The following PLEKHA7 variants were observed in gnomAD, a reference collection of about 807,000 sequenced individuals.
The protein encoded by PLEKHA7 is pleckstrin homology domain-containing family A member 7.
A neutral mutation model predicts 170.0 loss-of-function variants in PLEKHA7; 104 were observed. That is an observed-to-expected ratio of 0.61 (90% CI 0.52 to 0.72). The LOEUF (loss-of-function observed/expected upper bound fraction) is 0.72. Ranked by LOEUF, PLEKHA7 falls within the 30% of genes least tolerant of loss-of-function variation. The pLI is 0.00. For missense variants in PLEKHA7, 1,615 were observed against 1,671.7 expected (o/e 0.97, Z 0.59); for synonymous variants, 648 against 660.8 (o/e 0.98, Z 0.30).
intron 10 of PLEKHA7, among the ~76,000 whole-genome samples, chr11:16,820,173 C>T (rs1464402959): frequency 6.6e-6 from 1 of 152,182 alleles, no homozygotes; most frequent in Non-Finnish European, 1.5e-5. Context: ...TCTTAACAAG[C>T]CCTCCAGGAG....
chr11:16,836,689 C>T (rs1434217177), intron 9 of PLEKHA7, among the ~76,000 whole-genome samples: 1 of 152,030 alleles, frequency 6.6e-6, no homozygotes, highest in Admixed American at 6.5e-5. Context: ...ATTCGCTTGG[C>T]TGAAAATTTC....
intron 3 of PLEKHA7, among the ~76,000 whole-genome samples, chr11:16,997,705 T>C (rs1042635987): frequency 1.8e-4 from 28 of 152,246 alleles, no homozygotes; most frequent in African/African-American, 3.4e-4. Flanking sequence ...TACAGGTGCA[T>C]GTGCTGGGGG....
At chr11:16,891,161 C>T (rs554652900) in intron 3 of PLEKHA7, among the ~76,000 whole-genome samples, 4 of 152,224 alleles carry the variant, frequency 2.6e-5, no homozygotes, top group South Asian at 2.1e-4. Flanking sequence ...GCAATCCTCC[C>T]GCCTTGGCCT....
chr11:16,838,693 C>CTTTTTTTT (rs869209891), intron 9 of PLEKHA7, among the ~76,000 whole-genome samples: 7 of 107,858 alleles, frequency 6.5e-5, no homozygotes, highest in Admixed American at 1.2e-4. Context: ...ACACAGTTTT[C>CTTTTTTTT]TTTTTTTTTT....
intron 4 of PLEKHA7, among the ~76,000 whole-genome samples, chr11:16,859,735 T>C (rs989888646): frequency 6.6e-6 from 1 of 152,184 alleles, no homozygotes; most frequent in African/African-American, 2.4e-5. Context: ...CCGAGTCTCA[T>C]CTAAGAACCA....
At chr11:16,837,784 T>C (rs1851630306) in intron 9 of PLEKHA7, among the ~76,000 whole-genome samples, 1 of 152,192 alleles carries the variant, frequency 6.6e-6, no homozygotes, top group African/African-American at 2.4e-5. Flanking sequence ...ATTCCACATT[T>C]TCATTAAGAA....
chr11:16,853,836 G>C (rs1237707440), intron 6 of PLEKHA7, among the ~76,000 whole-genome samples: 1 of 152,146 alleles, frequency 6.6e-6, no homozygotes, highest in African/African-American at 2.4e-5. Flanking sequence ...GCTGCCATGG[G>C]GCCAGAGCTG....
chr11:16,795,851 C>CTTTTTT (rs1179377641), intron 17 of PLEKHA7, among the ~76,000 whole-genome samples: 26 of 93,082 alleles, frequency 2.8e-4, no homozygotes, highest in Non-Finnish European at 4.0e-4. Context: ...CAGTTTTTTC[C>CTTTTTT]TTTTTTTTTT....
intron 3 of PLEKHA7, among the ~76,000 whole-genome samples, chr11:16,986,161 G>A (rs909842412): frequency 5.3e-5 from 8 of 152,202 alleles, no homozygotes; most frequent in Admixed American, 1.3e-4. Flanking sequence ...CACAGGAAGA[G>A]AAGCCCAAGT....
At chr11:16,801,155 C>T in intron 16 of PLEKHA7, 80 bp from the exon 17 acceptor site, 2 of 1,185,162 alleles carry the variant, frequency 1.7e-6, no homozygotes, top group African/African-American at 1.5e-5. Context: ...GTACTCCTGA[C>T]CATGCTGACC....
intron 6 of PLEKHA7, among the ~76,000 whole-genome samples, chr11:16,853,835 G>T (rs909980745): frequency 6.6e-6 from 1 of 152,292 alleles, no homozygotes; most frequent in African/African-American, 2.4e-5. Flanking sequence ...AGCTGCCATG[G>T]GGCCAGAGCT....
chr11:16,830,719 C>T (rs1162917550), intron 9 of PLEKHA7, among the ~76,000 whole-genome samples: 1 of 152,148 alleles, frequency 6.6e-6, no homozygotes, highest in African/African-American at 2.4e-5. Context: ...CCTATACAGC[C>T]CCCACTGGGA....
At chr11:16,982,833 G>GGAGA (rs113873924) in intron 3 of PLEKHA7, among the ~76,000 whole-genome samples, 22 of 148,936 alleles carry the variant, frequency 1.5e-4, no homozygotes, top group Admixed American at 2.7e-4. Flanking sequence ...AGAGAGAGAG[G>GGAGA]GAGAGAGAGA....
chr11:16,941,087 C>T (rs538114861), intron 3 of PLEKHA7, among the ~76,000 whole-genome samples: 112 of 152,272 alleles, frequency 7.4e-4, no homozygotes, highest in African/African-American at 2.6e-3. Flanking sequence ...GTAGTAGAAG[C>T]GATGTCCAAG....
chr11:16,915,220 G>A (rs1226734044), intron 3 of PLEKHA7, among the ~76,000 whole-genome samples: 1 of 152,170 alleles, frequency 6.6e-6, no homozygotes, highest in East Asian at 1.9e-4. Context: ...CAACATCTCT[G>A]AGGCAGGCTG....
chr11:16,903,403 C>T (rs1276029574), intron 3 of PLEKHA7, among the ~76,000 whole-genome samples: 1 of 152,166 alleles, frequency 6.6e-6, no homozygotes, highest in African/African-American at 2.4e-5. Context: ...TGAGGATCCC[C>T]TCATCCAGAG....
At chr11:16,914,943 G>T (rs1858526893) in intron 3 of PLEKHA7, among the ~76,000 whole-genome samples, 1 of 152,162 alleles carries the variant, frequency 6.6e-6, no homozygotes, top group African/African-American at 2.4e-5. Flanking sequence ...GAGAAAACAT[G>T]ATGCAGGCCA....
chr11:16,778,794 T>A lies in PLEKHA7; in HGVS notation c.*204A>T. The A allele has an allele frequency of 3.3e-6, 2 of 602,986 alleles. No individual in the cohort carries two copies. Among genetic ancestry groups the A allele is most frequent in the Non-Finnish European group, 5.9e-6 (2 of 337,082 alleles). 37.4% of individuals were successfully genotyped at this position (602,986 alleles called of 1,614,324 possible). A position where few individuals can be genotyped will look rare whatever the true frequency, so the allele number is the denominator to read the frequency against. Reference sequence around the variant, plus strand: ...ATATCAAAAGTGCCTTTGCCATTCATATGTAGAGAGGAGTCTGAGCTAAAC... The same window carrying A: ...ATATCAAAAGTGCCTTTGCCATTCAAATGTAGAGAGGAGTCTGAGCTAAAC... On this transcript the variant is annotated 3_prime_UTR_variant, in exon 27 of 27. Transcript: ENST00000531066.
chr11:16,935,833 G>T (rs1860251703), intron 3 of PLEKHA7, among the ~76,000 whole-genome samples: 1 of 152,170 alleles, frequency 6.6e-6, no homozygotes, highest in Admixed American at 6.5e-5. Flanking sequence ...TTTATCACCA[G>T]AATTCACTAT....
Sources: gnomAD v4.1 joint callset for allele counts (sites outside exome capture counted in the v4.1 genomes callset) on GRCh38, gnomAD v4.1.1 for gene constraint, MANE v1.5 for transcripts, NCBI Gene and HGNC (gene_info 2026-07-23, HGNC 2026-07-21) for gene names.